The following TRIO variants were observed in gnomAD, a reference collection of about 807,000 sequenced individuals.
TRIO encodes the protein triple functional domain protein.
TRIO carries 58 observed loss-of-function variants against 351.9 expected under a neutral mutation model. The observed-to-expected ratio is 0.16, with a 90% CI of 0.13 to 0.21. The LOEUF (loss-of-function observed/expected upper bound fraction) is 0.21, where lower values mean the gene tolerates loss of function less well. Among genes scored for constraint, TRIO ranks in the 10% least tolerant of loss-of-function variants. TRIO has a pLI of 1.00. For synonymous variants in TRIO, 1,758 were observed against 1,595.7 expected, an observed-to-expected ratio of 1.10 and a Z score of -2.42; for missense variants, 3,201 against 4,027.8, an observed-to-expected ratio of 0.79 and a Z score of 5.56.
At chr5:14,496,499 C>T (rs986128652) in intron 49 of TRIO, among the ~76,000 whole-genome samples, 2 of 152,162 alleles carry the variant, frequency 1.3e-5, no homozygotes, top group Non-Finnish European at 2.9e-5. Flanking sequence ...TGGATGAGGG[C>T]CATTCACCTT....
intron 1 of TRIO, among the ~76,000 whole-genome samples, chr5:14,235,464 C>A (rs987672425): frequency 2.6e-5 from 4 of 152,116 alleles, no homozygotes; most frequent in African/African-American, 9.7e-5. Context: ...TCTCTGGTTT[C>A]TAAAGTGTAG....
intron 32 of TRIO, 149 bp from the exon 33 acceptor site, chr5:14,406,424 C>T (rs532285301): frequency 7.8e-5 from 56 of 719,938 alleles, no homozygotes; most frequent in South Asian, 5.7e-4. Context: ...AGCCTGTGCT[C>T]GGTGAAGGGT....
chr5:14,232,263 A>G (rs907847720), intron 1 of TRIO, among the ~76,000 whole-genome samples: 3 of 152,190 alleles, frequency 2.0e-5, no homozygotes, highest in Non-Finnish European at 2.9e-5. Context: ...CCCTCCTGCC[A>G]TAGCCTCCGT....
chr5:14,201,787 C>A (rs1340337696), intron 1 of TRIO, among the ~76,000 whole-genome samples: 2 of 151,950 alleles, frequency 1.3e-5, no homozygotes, highest in Non-Finnish European at 1.5e-5. Flanking sequence ...AGCAAAAATA[C>A]AGAAATGATT....
chr5:14,341,217 T>G (rs1741914810), intron 11 of TRIO, among the ~76,000 whole-genome samples: 1 of 152,254 alleles, frequency 6.6e-6, no homozygotes, highest in Admixed American at 6.5e-5. Flanking sequence ...TCCTGCTATT[T>G]GTCCTTTTTT....
intron 6 of TRIO, among the ~76,000 whole-genome samples, chr5:14,294,740 C>G (rs1421247647): frequency 6.6e-6 from 1 of 152,158 alleles, no homozygotes; most frequent in Non-Finnish European, 1.5e-5. Context: ...GTTTCCTAAT[C>G]TGTAAACTGG....
intron 9 of TRIO, among the ~76,000 whole-genome samples, chr5:14,323,207 G>A (rs567387582): frequency 4.6e-5 from 7 of 152,076 alleles, no homozygotes; most frequent in Non-Finnish European, 8.8e-5. Flanking sequence ...TTCTGTGTCT[G>A]TTTTATTTCA....
chr5:14,507,254 C>T lies in TRIO; in HGVS notation c.8745C>T (p.Asp2915=), dbSNP rs1389106093. The change falls in exon 56 of 57, where the codon GAC becomes GAT. Residue 2915 remains aspartate (D), a synonymous_variant. Transcript: ENST00000344204. ...YLHNCRIAHL[D]LKPENILVDE... ...ACAACTGCAGGATAGCACACCTGGA[C>T]CTAAAGGTTGGTGAGGCCCCGGGCA... 1.9e-6 allele frequency: 3 copies of T among 1,611,474 alleles called. No individual in the cohort carries two copies. The highest frequency in any genetic ancestry group is 4.5e-5 in the East Asian group (2 of 44,858).
rs748516875 is a variant in TRIO at position 14,336,692 on chromosome 5, G to A, written c.2011G>A (p.Asp671Asn). Reference protein sequence around the residue: ...RRVEQRKILLDMSVSFHTHVK... With the variant: ...RRVEQRKILLNMSVSFHTHVK... ...TGTTGAGCAGCGAAAGATCCTACTG[G>A]ACATGTCAGTGTCCTTTCACACCCA... Residue 671 changes from aspartate (D) to asparagine (N), a missense_variant, in exon 11 of 57, where the codon GAC becomes AAC. By Grantham distance (23) the Asp-to-Asn change is conservative. Around this residue, in one of 19 missense-constraint regions of TRIO, gnomAD observed 363 missense variants for 553.5 expected, o/e 0.66. Coordinates refer to ENST00000344204, the MANE Select transcript of TRIO (RefSeq NM_007118.4). The A allele has an allele frequency of 4.3e-6, 7 of 1,614,196 alleles. No homozygotes were observed. The highest frequency in any genetic ancestry group is 2.2e-5 in the East Asian group (1 of 44,874).
chr5:14,364,787 C>T lies in TRIO; in HGVS notation c.2725C>T (p.Leu909=). 1 of 1,611,094 alleles carries T rather than the reference C, an allele frequency of 6.2e-7. No homozygotes were observed. The highest frequency in any genetic ancestry group is 8.5e-7 in the Non-Finnish European group (1 of 1,179,444). ...GAAACACCTGGAGCAGTGCGTGCAGCTGCGCCACCTGCAGGCAGAAGTGAA... is the reference window on the plus strand; with the variant it reads ...GAAACACCTGGAGCAGTGCGTGCAGTTGCGCCACCTGCAGGCAGAAGTGAA... The part of the protein sequence containing the change: ...HRKHLEQCVQ[L]RHLQAEVKQV... The change falls in exon 15 of 57, where the codon CTG becomes TTG. Residue 909 remains leucine, a synonymous_variant. Transcript: ENST00000344204.
At chr5:14,238,852 A>G (rs1561238242) in intron 1 of TRIO, among the ~76,000 whole-genome samples, 1 of 152,234 alleles carries the variant, frequency 6.6e-6, no homozygotes, top group Non-Finnish European at 1.5e-5. Context: ...CATCTTTGCC[A>G]CCTGGCTGGC....
chr5:14,303,187 T>A (rs2244886), intron 7 of TRIO, among the ~76,000 whole-genome samples: 1 of 103,300 alleles, frequency 9.7e-6, no homozygotes. Flanking sequence ...GCCGCAGGAC[T>A]GTTGATGATC....
intron 1 of TRIO, among the ~76,000 whole-genome samples, chr5:14,180,526 G>T (rs1196540284): frequency 6.6e-6 from 1 of 152,172 alleles, no homozygotes; most frequent in Non-Finnish European, 1.5e-5. Flanking sequence ...TGTTAGAAGT[G>T]TCTGATCTTT....
chr5:14,413,758 C>T (rs1749397515), intron 33 of TRIO, among the ~76,000 whole-genome samples: 1 of 152,094 alleles, frequency 6.6e-6, no homozygotes, highest in African/African-American at 2.4e-5. Flanking sequence ...AGAAATGTTA[C>T]AAATTAAGTG....
intron 1 of TRIO, among the ~76,000 whole-genome samples, chr5:14,237,062 C>T (rs1205928376): frequency 6.6e-6 from 1 of 152,170 alleles, no homozygotes; most frequent in East Asian, 1.9e-4. Flanking sequence ...GTTATTCTCC[C>T]CTTTAAAGGA....
intron 9 of TRIO, among the ~76,000 whole-genome samples, chr5:14,329,114 G>A (rs1015557299): frequency 6.6e-6 from 1 of 152,116 alleles, no homozygotes; most frequent in Non-Finnish European, 1.5e-5. Flanking sequence ...TATGAACATG[G>A]CTGATCTCTC....
chr5:14,180,032 C>T (rs1561170743), intron 1 of TRIO, among the ~76,000 whole-genome samples: 3 of 123,314 alleles, frequency 2.4e-5, no homozygotes, highest in African/African-American at 6.2e-5. Flanking sequence ...ACCCAGGAGG[C>T]GGAGGTTGCA....
chr5:14,236,597 G>A (rs866183952), intron 1 of TRIO, among the ~76,000 whole-genome samples: 46 of 152,024 alleles, frequency 3.0e-4, no homozygotes, highest in African/African-American at 1.0e-3. Flanking sequence ...TACCCAAAAT[G>A]GTTTCTCCCT....
chr5:14,262,376 T>G (rs1401977988), intron 1 of TRIO, among the ~76,000 whole-genome samples: 1 of 151,966 alleles, frequency 6.6e-6, no homozygotes, highest in Non-Finnish European at 1.5e-5. Context: ...AGGTGTGGCT[T>G]CCCTGCAGGT....
Sources: gnomAD v4.1 joint callset for allele counts (sites outside exome capture counted in the v4.1 genomes callset) on GRCh38, gnomAD v4.1.1 for gene constraint, gnomAD v4.1.1 regional missense constraint, MANE v1.5 for transcripts, NCBI Gene and HGNC (gene_info 2026-07-23, HGNC 2026-07-21) for gene names.